DNAH6: variants seen among roughly 807,000 people sequenced by gnomAD.
DNAH6 encodes the protein dynein axonemal heavy chain 6, also known as axonemal beta dynein heavy chain 6.
Under a neutral mutation model 491.4 loss-of-function variants are expected in DNAH6, and 340 were observed. That is an observed-to-expected ratio of 0.69 (90% confidence interval 0.63 to 0.76). The LOEUF (loss-of-function observed/expected upper bound fraction) is 0.76, where lower values mean the gene tolerates loss of function less well. DNAH6 is among the 30% of genes least tolerant of loss of function. DNAH6 has a pLI of 0.00. For synonymous variants in DNAH6, 1,603 were observed against 1,686.1 expected, an observed-to-expected ratio of 0.95 and a Z score of 1.21; for missense variants, 4,443 against 4,972.2, an observed-to-expected ratio of 0.89 and a Z score of 3.20.
At chr2:84,702,232 T>TAGTAGAAAATA (rs1695980013) in intron 49 of DNAH6, among the ~76,000 whole-genome samples, 1 of 152,168 alleles carries the variant, frequency 6.6e-6, no homozygotes. Flanking sequence ...CTCTAAGCCT[T>TAGTAGAAAATA]AGTAGAAAAT....
the DNAH6 span, among the ~76,000 whole-genome samples, chr2:84,506,779 A>C: frequency 2.6e-5 from 4 of 152,120 alleles, no homozygotes; most frequent in African/African-American, 7.2e-5. Context: ...TCAGCTTTCT[A>C]CATATGGCTA....
intron 14 of DNAH6, 151 bp from the exon 15 acceptor site, chr2:84,583,848 A>G: frequency 1.2e-6 from 1 of 800,764 alleles, no homozygotes; most frequent in South Asian, 2.0e-5. Flanking sequence ...TCTTTTATAA[A>G]TTACCCAGTC....
intron 64 of DNAH6, among the ~76,000 whole-genome samples, chr2:84,780,751 T>C (rs149825488): frequency 1.6e-3 from 239 of 151,982 alleles, no homozygotes; most frequent in African/African-American, 5.4e-3. Flanking sequence ...GTGTTTATCA[T>C]TTTCAAGTTT....
chr2:84,599,735 T>C (rs1319472044), intron 18 of DNAH6, among the ~76,000 whole-genome samples: 3 of 152,142 alleles, frequency 2.0e-5, no homozygotes, highest in African/African-American at 7.2e-5. Flanking sequence ...GCCTATTCTT[T>C]CATCAATACT....
chr2:84,493,085 G>A, the DNAH6 span, among the ~76,000 whole-genome samples: 1 of 151,894 alleles, frequency 6.6e-6, no homozygotes, highest in South Asian at 2.1e-4. Context: ...GGACCAGATA[G>A]TAAATATTTT....
Position 84,727,830 on chromosome 2 carries a change from G to A in DNAH6, c.10134G>A (p.Met3378Ile). 6.4e-7 allele frequency: 1 copy of A among 1,552,156 alleles called. No homozygotes were observed. Among genetic ancestry groups the A allele is most frequent in the Non-Finnish European group, 8.7e-7 (1 of 1,147,064 alleles). ...LIYSFMLCVE[M>I]MRQQGTLSDA... The stretch of plus-strand genomic sequence containing the variant: ...ACAGCTTTATGCTTTGTGTTGAGAT[G>A]ATGCGTCAGCAAGGAACCCTATCTG... The change falls in exon 61 of 77, where the codon ATG becomes ATA. Residue 3378 changes from methionine (M) to isoleucine (I), a missense_variant. By Grantham distance (10) the Met-to-Ile change is conservative (BLOSUM62 1). This residue lies in a region of DNAH6 where 1,463 missense variants were observed against 1,656.6 expected (regional missense o/e 0.88). Transcript: ENST00000389394.
At chr2:84,531,734 G>A (rs1369559855) in intron 4 of DNAH6, among the ~76,000 whole-genome samples, 2 of 62,128 alleles carry the variant, frequency 3.2e-5, no homozygotes, top group Non-Finnish European at 1.0e-4. Context: ...GGTAGACGAA[G>A]GAGAATTGGG....
chr2:84,628,223 G>A (rs1688062144), intron 29 of DNAH6, among the ~76,000 whole-genome samples: 2 of 152,156 alleles, frequency 1.3e-5, no homozygotes, highest in Admixed American at 1.3e-4. Context: ...TCCAGAGAAA[G>A]AGGAATGGTA....
chr2:84,511,903 CTGCTGGATTCAGTT>C (rs1675347227), upstream of DNAH6, among the ~76,000 whole-genome samples: 1 of 152,004 alleles, frequency 6.6e-6, no homozygotes, highest in African/African-American at 2.4e-5. Context: ...TTTGAATATA[CTGCTGGATTCAGTT>C]TGCTAGTATT....
chr2:84,486,841 C>G, the DNAH6 span, among the ~76,000 whole-genome samples: 1 of 152,158 alleles, frequency 6.6e-6, no homozygotes, highest in East Asian at 1.9e-4. Context: ...TACAGTGTTC[C>G]CTGGACTCAG....
rs565389086 is a variant in DNAH6 at position 84,619,849 on chromosome 2, C to G, written c.3737C>G (p.Pro1246Arg). Reference protein sequence around the residue: ...EGKIPGIDGEPEKVYTNDILA... With the variant: ...EGKIPGIDGEREKVYTNDILA... ...AAGATTCCTGGTATTGATGGAGAAC[C>G]AGAAAAGGTTTATACTAATGATATT... The change falls in exon 24 of 77, where the codon CCA becomes CGA. Residue 1246 changes from proline (P) to arginine (R), a missense_variant. Pro to Arg is a moderately radical substitution (Grantham distance 103, BLOSUM62 -2). Coordinates refer to ENST00000389394, the MANE Select transcript of DNAH6 (RefSeq NM_001370.2). The G allele has an allele frequency of 7.1e-5, 110 of 1,551,310 alleles. No individual in the cohort carries two copies. The highest frequency in any genetic ancestry group is 6.9e-5 in the Non-Finnish European group (79 of 1,146,768).
At chr2:84,691,093 T>C (rs1694812336) in intron 45 of DNAH6, among the ~76,000 whole-genome samples, 2 of 152,252 alleles carry the variant, frequency 1.3e-5, no homozygotes, top group African/African-American at 4.8e-5. Context: ...AACTATCTCT[T>C]GCCTACCACG....
At chr2:84,661,786 C>A (rs1388956381) in intron 37 of DNAH6, among the ~76,000 whole-genome samples, 1 of 151,716 alleles carries the variant, frequency 6.6e-6, no homozygotes, top group Non-Finnish European at 1.5e-5. Context: ...TGAAATCTGA[C>A]AATCTCATTC....
intron 37 of DNAH6, 104 bp downstream of exon 37, chr2:84,659,273 C>A: frequency 1.6e-6 from 1 of 619,958 alleles, no homozygotes; most frequent in Non-Finnish European, 2.4e-6. Flanking sequence ...ATAACTTATA[C>A]ACTAAACTGG....
intron 59 of DNAH6, 96 bp downstream of exon 59, chr2:84,718,480 C>A: frequency 9.6e-7 from 1 of 1,037,590 alleles, no homozygotes; most frequent in Non-Finnish European, 1.3e-6. Flanking sequence ...TAAAGCAAGA[C>A]GGGGGCCACA....
chr2:84,700,548 G>C (rs768350587), intron 48 of DNAH6, among the ~76,000 whole-genome samples: 1 of 152,214 alleles, frequency 6.6e-6, no homozygotes, highest in Non-Finnish European at 1.5e-5. Flanking sequence ...AAATGTAGAA[G>C]CATTTCTGGG....
chr2:84,488,377 AAAAAAAATTAAAAAAT>A, the DNAH6 span, among the ~76,000 whole-genome samples: 2 of 139,652 alleles, frequency 1.4e-5, no homozygotes, highest in African/African-American at 2.4e-5. Context: ...AAAGTATAAT[AAAAAAAATTAAAAAAT>A]AAAAAAATAA....
intron 10 of DNAH6, among the ~76,000 whole-genome samples, chr2:84,555,699 T>C (rs576869526): frequency 1.3e-5 from 2 of 152,186 alleles, no homozygotes; most frequent in African/African-American, 2.4e-5. Context: ...ATTGAACTTA[T>C]CGATTTCTTC....
chr2:84,734,056 C>G (rs1699329914), intron 62 of DNAH6, among the ~76,000 whole-genome samples: 1 of 151,920 alleles, frequency 6.6e-6, no homozygotes, highest in African/African-American at 2.4e-5. Context: ...CTCTCTTCCT[C>G]AGAGGTAACG....
Sources: allele counts gnomAD v4.1 joint callset (sites outside exome capture counted in the v4.1 genomes callset), GRCh38; gene constraint gnomAD v4.1.1; regional missense constraint gnomAD v4.1.1; transcripts MANE v1.5; gene names NCBI Gene and HGNC (gene_info 2026-07-23, HGNC 2026-07-21).